The following SNRPA variants were observed in gnomAD, a reference collection of about 807,000 sequenced individuals.
The protein encoded by SNRPA is small nuclear ribonucleoprotein polypeptide A.
Under a neutral mutation model 24.5 loss-of-function variants are expected in SNRPA, and 10 were observed. That is an observed-to-expected ratio of 0.41 (90% CI 0.25 to 0.69). The LOEUF (loss-of-function observed/expected upper bound fraction) is 0.69, where lower values mean the gene tolerates loss of function less well. Among genes scored for constraint, SNRPA ranks in the 30% least tolerant of loss-of-function variants. The pLI, the probability that SNRPA is intolerant of heterozygous loss-of-function variation, is 0.33. For missense variants in SNRPA, 283 were observed against 394.7 expected (o/e 0.72, Z 2.40); for synonymous variants, 165 against 148.4 (o/e 1.11, Z -0.81).
intron 4 of SNRPA, 90 bp from the exon 5 acceptor site, chr19:40,763,497 C>T (rs1356130010): frequency 4.0e-6 from 4 of 988,272 alleles, no homozygotes; most frequent in African/African-American, 1.6e-5. Flanking sequence ...TGAATTCAAG[C>T]AGGGTGAGGG....
intron 1 of SNRPA, among the ~76,000 whole-genome samples, chr19:40,752,957 G>A (rs2082889597): frequency 6.6e-6 from 1 of 152,138 alleles, no homozygotes; most frequent in African/African-American, 2.4e-5. Context: ...GCTAGTAAAG[G>A]GCTGGATAAA....
At chr19:40,760,775 C>A (rs2082927953) in intron 3 of SNRPA, among the ~76,000 whole-genome samples, 1 of 152,026 alleles carries the variant, frequency 6.6e-6, no homozygotes, top group Admixed American at 6.6e-5. Flanking sequence ...CTCATCTCTA[C>A]AAAAAATAAA....
chr19:40,759,542 G>C lies in SNRPA; in HGVS notation c.358G>C (p.Ala120Pro). Residue 120 changes from alanine (A) to proline (P), a missense_variant, in exon 3 of 6, where the codon GCC becomes CCC. This residue lies in a region of SNRPA where 167 missense variants were observed against 174.3 expected (regional missense o/e 0.96). Transcript: ENST00000243563. ...KRKPKSQETP[A>P]TKKAVQGGGA... ...GAAGCCCAAGAGCCAGGAGACCCCG[G>C]CCACCAAGAAGGCTGTGCAAGGCGG... 1 of 1,614,038 alleles carries C rather than the reference G, an allele frequency of 6.2e-7. No individual in the cohort carries two copies. The highest frequency in any genetic ancestry group is 8.5e-7 in the Non-Finnish European group (1 of 1,179,988).
chr19:40,760,156 G>C (rs1432553309), intron 3 of SNRPA, among the ~76,000 whole-genome samples: 1 of 152,082 alleles, frequency 6.6e-6, no homozygotes, highest in Non-Finnish European at 1.5e-5. Context: ...CCTAGCAGCT[G>C]GAACTGTCAG....
At chr19:40,763,792 A>G in intron 5 of SNRPA, 117 bp downstream of exon 5, 1 of 845,948 alleles carries the variant, frequency 1.2e-6, no homozygotes, top group South Asian at 1.4e-5. Context: ...GCTTTGCAGA[A>G]GGGACAGCGA....
At chr19:40,759,738 A>G (rs1020856558) in intron 3 of SNRPA, 128 bp downstream of exon 3, 1 of 802,592 alleles carries the variant, frequency 1.2e-6, no homozygotes, top group African/African-American at 1.8e-5. Context: ...ATTTCTTTAT[A>G]GAGATGTGTT....
chr19:40,754,352 G>A (rs949863670), intron 1 of SNRPA, among the ~76,000 whole-genome samples: 8 of 151,962 alleles, frequency 5.3e-5, no homozygotes, highest in Non-Finnish European at 7.4e-5. Context: ...CACCCGCCTC[G>A]GCCTCCCAAA....
intron 2 of SNRPA, among the ~76,000 whole-genome samples, chr19:40,759,081 G>A (rs971946646): frequency 6.6e-6 from 1 of 151,428 alleles, no homozygotes; most frequent in East Asian, 2.0e-4. Flanking sequence ...GGTGGTGGGC[G>A]CCTGTAATCC....
intron 1 of SNRPA, among the ~76,000 whole-genome samples, chr19:40,756,530 A>G (rs1003913753): frequency 1.3e-5 from 2 of 149,876 alleles, no homozygotes; most frequent in African/African-American, 4.9e-5. Flanking sequence ...CGGGAGGTTG[A>G]GGCTACGGTG....
intron 3 of SNRPA, among the ~76,000 whole-genome samples, chr19:40,761,933 GTC>G (rs902202597): frequency 5.3e-5 from 8 of 152,154 alleles, no homozygotes; most frequent in Non-Finnish European, 8.8e-5. Context: ...GAGCCTCCGT[GTC>G]TCTCTGGCTT....
At chr19:40,754,886 G>C (rs564681378) in intron 1 of SNRPA, among the ~76,000 whole-genome samples, 16 of 152,228 alleles carry the variant, frequency 1.1e-4, no homozygotes, top group South Asian at 4.1e-4. Context: ...GAGTCCCGTG[G>C]AATGAGTGAA....
At chr19:40,761,288 G>C (rs1227837648) in intron 3 of SNRPA, among the ~76,000 whole-genome samples, 1 of 151,930 alleles carries the variant, frequency 6.6e-6, no homozygotes, top group Non-Finnish European at 1.5e-5. Context: ...ACTGAGGAAA[G>C]GACTTTTTTT....
At position 40,762,928 on chromosome 19, in the gene SNRPA, C is replaced by T. The variant is rs771537539; in HGVS notation, c.454C>T (p.Arg152Cys). 3 of 1,613,850 alleles carry T rather than the reference C, an allele frequency of 1.9e-6. No homozygotes were observed. Among genetic ancestry groups the T allele is most frequent in the Non-Finnish European group, 2.5e-6 (3 of 1,179,972 alleles). Residue 152 changes from arginine to cysteine, a missense_variant, in exon 4 of 6, where the codon CGC becomes TGC. Physicochemically the swap from Arg to Cys is radical, Grantham distance 180 (BLOSUM62 -3). Transcript: ENST00000243563. ...CATGCCGCCGATGACTCAGGCGCCC[C>T]GCATTATGCACCACATGCCGGGCCA... ...PGMPPMTQAP[R>C]IMHHMPGQPP...
At position 40,761,458 on chromosome 19, in the gene SNRPA, CT is replaced by C. The variant is rs200242370; in HGVS notation, c.427-1417del. On this transcript the variant is annotated intron_variant, in intron 3 of 5. Transcript: ENST00000243563. ...TCTCTTTTCTTTTCTTTTTCTTTTT[CT>C]TTTTTTTTTTTTTTTTTTTTTTTTT... Among the ~76,000 whole-genome samples, 392 of 85,842 alleles carry C rather than the reference CT, an allele frequency of 4.6e-3. 1 individual carries two copies. Among genetic ancestry groups the C allele is most frequent in the African/African-American group, 0.015 (357 of 23,322 alleles). The allele number at this position is 85,842 out of a possible 152,430, so 56.3% of individuals were successfully genotyped here. A position where few individuals can be genotyped will look rare whatever the true frequency, so the allele number is the denominator to read the frequency against.
chr19:40,754,076 C>G (rs547242180), intron 1 of SNRPA, among the ~76,000 whole-genome samples: 1 of 148,026 alleles, frequency 6.8e-6, no homozygotes, highest in South Asian at 2.1e-4. Context: ...GCTGGGATTA[C>G]AGGCGTCAGC....
At chr19:40,764,227 G>C (rs1385552684) in intron 5 of SNRPA, among the ~76,000 whole-genome samples, 1 of 152,158 alleles carries the variant, frequency 6.6e-6, no homozygotes, top group African/African-American at 2.4e-5. Flanking sequence ...GCATTCGTCA[G>C]TGTTTGTGGT....
At chr19:40,755,542 A>G (rs1165971117) in intron 1 of SNRPA, among the ~76,000 whole-genome samples, 1 of 152,048 alleles carries the variant, frequency 6.6e-6, no homozygotes, top group East Asian at 1.9e-4. Context: ...TGCCTGGCTA[A>G]TTTTTGTATC....
In SNRPA at chr19:40,751,370, G is replaced by T. The variant is rs1368001200; in HGVS notation, c.-39G>T. On this transcript the variant is annotated 5_prime_UTR_variant, in exon 1 of 6. Transcript: ENST00000243563. ...TGGAGAAACCCAGGGCTAAAGTCACGTTTTTCCTCCTTTAAGACTTACCTC... is the reference window on the plus strand; with the variant it reads ...TGGAGAAACCCAGGGCTAAAGTCACTTTTTTCCTCCTTTAAGACTTACCTC... 1 of 1,523,932 alleles carries T rather than the reference G, an allele frequency of 6.6e-7. No homozygotes were observed. The highest frequency in any genetic ancestry group is 1.4e-5 in the African/African-American group (1 of 73,128). The allele number at this position is 1,523,932 out of a possible 1,614,324, so 94.4% of individuals were successfully genotyped here.
chr19:40,753,029 G>A (rs2082890014), intron 1 of SNRPA, among the ~76,000 whole-genome samples: 1 of 152,316 alleles, frequency 6.6e-6, no homozygotes, highest in South Asian at 2.1e-4. Flanking sequence ...TTGGGATTCA[G>A]TTTGAGGTTA....
Sources: allele counts gnomAD v4.1 joint callset (sites outside exome capture counted in the v4.1 genomes callset), GRCh38; gene constraint gnomAD v4.1.1; regional missense constraint gnomAD v4.1.1; transcripts MANE v1.5; gene names NCBI Gene and HGNC (gene_info 2026-07-23, HGNC 2026-07-21).